The following GNAQ variants were observed in gnomAD, a reference collection of about 807,000 sequenced individuals.
The protein encoded by GNAQ is G protein subunit alpha q.
Under a neutral mutation model 43.9 loss-of-function variants are expected in GNAQ, and 8 were observed. That is an observed-to-expected ratio of 0.18 (90% CI 0.11 to 0.33). GNAQ has a LOEUF of 0.33. GNAQ is among the 10% of genes least tolerant of loss of function. The probability of loss-of-function intolerance (pLI) is 1.00; values close to 1 mark genes in which losing one functional copy is unlikely to be tolerated. For missense variants in GNAQ, 158 were observed against 450.8 expected (o/e 0.35, Z 5.88); for synonymous variants, 155 against 170.7 (o/e 0.91, Z 0.71).
rs377279810 is a variant in GNAQ, at chr9:77,961,272, A to G, written c.137-38927T>C. ...GTAAATCCTAGGACTGCCTCCACAT[A>G]ACCACACGGCTTCAGTTTCCACACA... On this transcript the variant is annotated intron_variant, in intron 1 of 6. Coordinates refer to ENST00000286548, the MANE Select transcript of GNAQ (RefSeq NM_002072.5). Among the ~76,000 whole-genome samples the G allele has an allele frequency of 2.6e-5, 4 of 152,288 alleles. No homozygotes were observed. The East Asian group carries it at 7.7e-4, about 29-fold the overall frequency.
At chr9:77,736,363 T>G (rs1825576696) in intron 5 of GNAQ, among the ~76,000 whole-genome samples, 1 of 152,204 alleles carries the variant, frequency 6.6e-6, no homozygotes, top group African/African-American at 2.4e-5. Context: ...GCCATTGCAC[T>G]TTTGCTATCC....
intron 1 of GNAQ, among the ~76,000 whole-genome samples, chr9:78,030,001 T>A (rs1040592023): frequency 1.1e-4 from 17 of 152,180 alleles, no homozygotes; most frequent in African/African-American, 4.8e-5. Flanking sequence ...CTCCCAGAGA[T>A]AATCATCAAT....
chr9:77,984,300 G>T (rs565307701), intron 1 of GNAQ, among the ~76,000 whole-genome samples: 1 of 151,580 alleles, frequency 6.6e-6, no homozygotes, highest in South Asian at 2.1e-4. Context: ...CTCCTGAGTA[G>T]CTGAGACTAC....
intron 1 of GNAQ, among the ~76,000 whole-genome samples, chr9:77,951,263 A>G (rs1317856368): frequency 6.6e-6 from 1 of 151,894 alleles, no homozygotes; most frequent in Non-Finnish European, 1.5e-5. Context: ...ATGCCCGGCT[A>G]ATTTTTCTAT....
intron 1 of GNAQ, among the ~76,000 whole-genome samples, chr9:77,977,481 T>A (rs1823316544): frequency 1.3e-5 from 2 of 152,080 alleles, no homozygotes. Flanking sequence ...GCTACCATTG[T>A]TCAACCCACA....
chr9:77,797,299 C>T lies in GNAQ; in HGVS notation c.605+221G>A, dbSNP rs141473016. On this transcript the variant is annotated intron_variant, in intron 4 of 6. Coordinates refer to ENST00000286548, the MANE Select transcript of GNAQ (RefSeq NM_002072.5). ...CCATCCACCTTATCCTCCCAAAGTG[C>T]TGGGATAACAGGCGTGAGCCACCGC... Among the ~76,000 whole-genome samples, 311 of 152,334 alleles carry T rather than the reference C, an allele frequency of 2.0e-3. 2 individuals carry two copies. Among genetic ancestry groups the T allele is most frequent in the African/African-American group, 7.3e-3 (303 of 41,576 alleles).
chr9:77,998,161 C>T (rs148548103), intron 1 of GNAQ, among the ~76,000 whole-genome samples: 1 of 152,322 alleles, frequency 6.6e-6, no homozygotes, highest in East Asian at 1.9e-4. Context: ...TCAAGCTGCT[C>T]GGCTTCCTGT....
intron 3 of GNAQ, among the ~76,000 whole-genome samples, chr9:77,804,433 G>A (rs1826792852): frequency 6.6e-6 from 1 of 152,184 alleles, no homozygotes; most frequent in Non-Finnish European, 1.5e-5. Flanking sequence ...GGAAGGCTGT[G>A]AGGCAGAAAG....
At chr9:77,751,778 GAC>G (rs1825815643) in intron 5 of GNAQ, among the ~76,000 whole-genome samples, 1 of 151,846 alleles carries the variant, frequency 6.6e-6, no homozygotes, top group African/African-American at 2.4e-5. Context: ...GCAAGGAACA[GAC>G]AGACCTCCAA....
intron 1 of GNAQ, among the ~76,000 whole-genome samples, chr9:77,926,953 G>A (rs1174601606): frequency 6.6e-6 from 1 of 152,156 alleles, no homozygotes; most frequent in East Asian, 1.9e-4. Context: ...AGCACAGAGA[G>A]CAATCTCCAG....
intron 3 of GNAQ, among the ~76,000 whole-genome samples, chr9:77,813,032 C>T (rs1445314309): frequency 3.9e-5 from 6 of 151,966 alleles, no homozygotes; most frequent in Non-Finnish European, 7.4e-5. Flanking sequence ...CCTGTTTCAG[C>T]CTCCTGAGTA....
At chr9:77,917,282 T>C (rs1448758523) in intron 2 of GNAQ, among the ~76,000 whole-genome samples, 2 of 152,158 alleles carry the variant, frequency 1.3e-5, no homozygotes, top group African/African-American at 2.4e-5. Context: ...AGGCACTTTA[T>C]ATCCTTTCCT....
chr9:77,922,689 G>T (rs1035816194), intron 1 of GNAQ, among the ~76,000 whole-genome samples: 4 of 152,160 alleles, frequency 2.6e-5, no homozygotes, highest in African/African-American at 9.7e-5. Context: ...ATAAAGCTCT[G>T]TTCCCTGGAG....
chr9:77,774,021 C>T (rs1454961386), intron 5 of GNAQ, among the ~76,000 whole-genome samples: 2 of 151,802 alleles, frequency 1.3e-5, no homozygotes, highest in African/African-American at 4.8e-5. Context: ...AAGGAAGACT[C>T]AGATGGTACT....
In GNAQ at chr9:77,986,752, C is replaced by T. The variant is rs142510343; in HGVS notation, c.136+44348G>A. Among the ~76,000 whole-genome samples, 48 of 151,176 alleles carry T rather than the reference C, an allele frequency of 3.2e-4. No homozygotes were observed. The East Asian group carries it at 8.3e-3, about 26-fold the overall frequency. ...GAACTCCTGGGCTCAATCTTCTCAC[C>T]TTGGCCTCCCAAAGTGCTGGGATTA... is the stretch of plus-strand genomic sequence containing the variant. On this transcript the variant is annotated intron_variant, in intron 1 of 6. Coordinates refer to ENST00000286548, the MANE Select transcript of GNAQ (RefSeq NM_002072.5).
chr9:77,892,538 G>A (rs1390959745), intron 2 of GNAQ, among the ~76,000 whole-genome samples: 1 of 152,198 alleles, frequency 6.6e-6, no homozygotes, highest in Non-Finnish European at 1.5e-5. Flanking sequence ...TCTTACAAGA[G>A]TGAATTTCAT....
intron 5 of GNAQ, among the ~76,000 whole-genome samples, chr9:77,752,070 AT>A (rs899663176): frequency 2.8e-4 from 42 of 152,352 alleles, no homozygotes; most frequent in African/African-American, 1.0e-3. Context: ...TTATCTCAGT[AT>A]GCACGCAGTG....
chr9:77,739,741 G>A (rs1046947548), intron 5 of GNAQ, among the ~76,000 whole-genome samples: 1 of 152,214 alleles, frequency 6.6e-6, no homozygotes, highest in African/African-American at 2.4e-5. Flanking sequence ...AGCAAAGTGT[G>A]TTTGGATGTC....
At chr9:77,928,448 A>T (rs1829099637) in intron 1 of GNAQ, among the ~76,000 whole-genome samples, 1 of 152,240 alleles carries the variant, frequency 6.6e-6, no homozygotes, top group African/African-American at 2.4e-5. Flanking sequence ...CAGGACTATT[A>T]ATAATAACTA....
Sources: allele counts gnomAD v4.1 joint callset (sites outside exome capture counted in the v4.1 genomes callset), GRCh38; gene constraint gnomAD v4.1.1; transcripts MANE v1.5; gene names NCBI Gene and HGNC (gene_info 2026-07-23, HGNC 2026-07-21).